The following SRRM4 variants were observed in gnomAD, a reference collection of about 807,000 sequenced individuals.
SRRM4 encodes serine/arginine repetitive matrix 4.
SRRM4 carries 33 observed loss-of-function variants against 68.9 expected under a neutral mutation model. The ratio of observed to expected loss-of-function variants is 0.48; its 90% CI spans 0.36 to 0.64. The LOEUF is 0.64. Ranked by LOEUF, SRRM4 falls within the 30% of genes least tolerant of loss-of-function variation. The probability of loss-of-function intolerance (pLI) is 0.00; values close to 1 mark genes in which losing one functional copy is unlikely to be tolerated. For synonymous variants in SRRM4, 318 were observed against 318.8 expected, an observed-to-expected ratio of 1.00 and a Z score of 0.03; for missense variants, 817 against 827.1, an observed-to-expected ratio of 0.99 and a Z score of 0.15.
chr12:119,159,395 T>C lies in SRRM4; in HGVS notation c.*2597T>C, dbSNP rs1441075231. 1 of 152,234 alleles carries C rather than the reference T, an allele frequency of 6.6e-6. No individual in the cohort carries two copies. Among genetic ancestry groups the C allele is most frequent in the Non-Finnish European group, 1.5e-5 (1 of 68,064 alleles). 9.4% of individuals were successfully genotyped at this position (152,234 alleles called of 1,614,324 possible). A position where few individuals can be genotyped will look rare whatever the true frequency, so the allele number is the denominator to read the frequency against. ...CAAGGCTGCACAAAGTCGAAATCCC[T>C]TGTGAATGTCCCTTAGGGAGGCACC... On this transcript the variant is annotated 3_prime_UTR_variant, in exon 13 of 13. Transcript: ENST00000267260.
At chr12:119,040,924 ATT>A (rs201660873) in intron 1 of SRRM4, among the ~76,000 whole-genome samples, 1 of 146,412 alleles carries the variant, frequency 6.8e-6, no homozygotes, top group African/African-American at 2.5e-5. Flanking sequence ...TAATTTTTGT[ATT>A]TTTTTTTTTA....
chr12:119,130,352 A>G (rs1954288721), intron 7 of SRRM4, among the ~76,000 whole-genome samples: 3 of 149,158 alleles, frequency 2.0e-5, no homozygotes, highest in African/African-American at 7.4e-5. Flanking sequence ...GGTTGGATTG[A>G]TGGATGGATG....
chr12:119,050,283 A>C (rs1953734229), intron 1 of SRRM4, among the ~76,000 whole-genome samples: 1 of 152,192 alleles, frequency 6.6e-6, no homozygotes, highest in Admixed American at 6.5e-5. Context: ...TCTTTAACAG[A>C]GTTCTGGATC....
In SRRM4 at chr12:118,981,852, C is replaced by A; in HGVS notation, c.-31C>A. On this transcript the variant is annotated 5_prime_UTR_variant, in exon 1 of 13. Transcript: ENST00000267260. ...CCACGTTTCAGCACTTTGGACAGCG[C>A]CCCGGACGCCCCGGCCCCTTTGGGT... The A allele has an allele frequency of 6.2e-7, 1 of 1,605,786 alleles. No homozygotes were observed. The highest frequency in any genetic ancestry group is 1.1e-5 in the South Asian group (1 of 89,510).
chr12:119,037,467 G>T (rs190436965), intron 1 of SRRM4, among the ~76,000 whole-genome samples: 32 of 152,286 alleles, frequency 2.1e-4, no homozygotes, highest in Non-Finnish European at 4.6e-4. Flanking sequence ...ATGGATGCCT[G>T]TAAGCCTCCC....
intron 8 of SRRM4, among the ~76,000 whole-genome samples, chr12:119,136,233 A>G (rs1158232098): frequency 1.3e-5 from 2 of 152,226 alleles, no homozygotes; most frequent in Admixed American, 1.3e-4. Context: ...CGAGATGGGA[A>G]TATGCTTCCC....
chr12:119,054,468 GCAGAACT>G (rs891555524), intron 1 of SRRM4, among the ~76,000 whole-genome samples: 3 of 152,184 alleles, frequency 2.0e-5, no homozygotes, highest in African/African-American at 7.2e-5. Context: ...AGTGGAAAAG[GCAGAACT>G]CAAATTCAAT....
chr12:119,075,773 GTGA>G (rs1481643241), intron 1 of SRRM4, among the ~76,000 whole-genome samples: 1 of 5,338 alleles, frequency 1.9e-4, no homozygotes, highest in Non-Finnish European at 4.9e-4. Flanking sequence ...GATGATGGTG[GTGA>G]TGATGATAGC....
intron 8 of SRRM4, among the ~76,000 whole-genome samples, chr12:119,131,591 C>A (rs987145850): frequency 9.2e-5 from 14 of 152,202 alleles, no homozygotes; most frequent in African/African-American, 2.9e-4. Flanking sequence ...AGTTTGACAC[C>A]ATGAGCAAGA....
chr12:119,114,795 G>C (rs1389823737), intron 3 of SRRM4, among the ~76,000 whole-genome samples: 2 of 150,634 alleles, frequency 1.3e-5, no homozygotes, highest in East Asian at 4.0e-4. Context: ...CTCCCGAGTA[G>C]CTGTGACTAC....
intron 1 of SRRM4, among the ~76,000 whole-genome samples, chr12:119,022,489 A>G (rs1456493792): frequency 6.6e-6 from 1 of 152,198 alleles, no homozygotes; most frequent in Non-Finnish European, 1.5e-5. Flanking sequence ...GCAGCAATAG[A>G]AATGTAAGCC....
rs1954478286 is a variant in SRRM4, at chr12:119,156,980, G to A, written c.*182G>A. On this transcript the variant is annotated 3_prime_UTR_variant, in exon 13 of 13. Transcript: ENST00000267260. Reference sequence around the variant, plus strand: ...CACTCTCTAGATCAGCCTGCTAGGAGCCTCTACCAGCATCATCCTGGGGCC... The same window carrying A: ...CACTCTCTAGATCAGCCTGCTAGGAACCTCTACCAGCATCATCCTGGGGCC... The A allele has an allele frequency of 4.4e-6, 3 of 688,776 alleles. No homozygotes were observed. Among genetic ancestry groups the A allele is most frequent in the Non-Finnish European group, 7.0e-6 (3 of 428,128 alleles). The allele number at this position is 688,776 out of a possible 1,614,324, so 42.7% of individuals were successfully genotyped here.
intron 1 of SRRM4, among the ~76,000 whole-genome samples, chr12:118,983,916 G>T (rs1377142208): frequency 6.6e-6 from 1 of 152,130 alleles, no homozygotes; most frequent in African/African-American, 2.4e-5. Context: ...TCTGCAACCA[G>T]TATCATTTCA....
intron 1 of SRRM4, among the ~76,000 whole-genome samples, chr12:118,983,901 C>A (rs566665972): frequency 6.6e-6 from 1 of 152,244 alleles, no homozygotes; most frequent in East Asian, 1.9e-4. Flanking sequence ...ATACTCCACT[C>A]CCCCTCTGCA....
chr12:119,054,236 A>G (rs566224430), intron 1 of SRRM4, among the ~76,000 whole-genome samples: 4 of 152,308 alleles, frequency 2.6e-5, no homozygotes, highest in South Asian at 2.1e-4. Flanking sequence ...TTATGGCTTA[A>G]TAGTATTCCT....
intron 1 of SRRM4, among the ~76,000 whole-genome samples, chr12:119,101,772 C>G (rs1259425133): frequency 6.6e-6 from 1 of 152,046 alleles, no homozygotes; most frequent in Admixed American, 6.5e-5. Flanking sequence ...TACACTAATC[C>G]TATCATGCTT....
intron 1 of SRRM4, among the ~76,000 whole-genome samples, chr12:119,046,588 T>C (rs1002634764): frequency 6.6e-6 from 1 of 152,096 alleles, no homozygotes; most frequent in Non-Finnish European, 1.5e-5. Context: ...AGGGAGAGCA[T>C]TTAACTAAGG....
At chr12:119,084,236 G>T (rs1285670822) in intron 1 of SRRM4, among the ~76,000 whole-genome samples, 1 of 152,114 alleles carries the variant, frequency 6.6e-6, no homozygotes. Context: ...AGAGAGCAGG[G>T]GAAGAGAACT....
intron 1 of SRRM4, among the ~76,000 whole-genome samples, chr12:119,021,618 T>G (rs1175776614): frequency 6.6e-6 from 1 of 152,196 alleles, no homozygotes; most frequent in East Asian, 1.9e-4. Context: ...AAAGTCCAGC[T>G]TTTGTCCCCT....
Sources: allele counts gnomAD v4.1 joint callset (sites outside exome capture counted in the v4.1 genomes callset), GRCh38; gene constraint gnomAD v4.1.1; transcripts MANE v1.5; gene names NCBI Gene and HGNC (gene_info 2026-07-23, HGNC 2026-07-21).